RPRD2: variants seen among roughly 807,000 people sequenced by gnomAD.
RPRD2 encodes regulation of nuclear pre-mRNA domain containing 2.
RPRD2 carries 12 observed loss-of-function variants against 104.4 expected under a neutral mutation model. That is an observed-to-expected ratio of 0.11 (90% CI 0.07 to 0.19). The LOEUF (loss-of-function observed/expected upper bound fraction) is 0.19. Among genes scored for constraint, RPRD2 ranks in the 10% least tolerant of loss-of-function variants. RPRD2 has a pLI of 1.00. For synonymous variants in RPRD2, 714 were observed against 684.9 expected (o/e 1.04, Z -0.66); for missense variants, 1,543 against 1,790.1 (o/e 0.86, Z 2.49).
rs782654784 is a variant in RPRD2 at position 150,364,729 on chromosome 1, C to T, written c.15C>T (p.Gly5=). 1.3e-6 allele frequency: 2 copies of T among 1,573,258 alleles called. No individual in the cohort carries two copies. Among genetic ancestry groups the T allele is most frequent in the Admixed American group, 1.9e-5 (1 of 52,748 alleles). ...AAACCGGGAAGATGGCGGCCGGCGG[C>T]GGCGGAGGCAGCAGTAAGGCCTCCT... MAAG[G]GGGSSKASSS... is the part of the protein sequence containing the mutation. The change falls in exon 1 of 11, where the codon GGC becomes GGT. Residue 5 remains glycine (G), a synonymous_variant. Coordinates refer to ENST00000369068, the MANE Select transcript of RPRD2 (RefSeq NM_015203.5).
chr1:150,443,263 AAG>A lies in RPRD2; in HGVS notation c.549_550del (p.Lys183AsnfsTer4). 1 of 1,576,828 alleles carries A rather than the reference AAG, an allele frequency of 6.3e-7. No homozygotes were observed. The highest frequency in any genetic ancestry group is 8.6e-7 in the Non-Finnish European group (1 of 1,159,542). ...STNPKAALKS[K>X]IVAEFRSQAL... The stretch of plus-strand genomic sequence containing the variant: ...AAATCCAAAAGCTGCTCTCAAGTCT[AAG>A]ATAGTTGCTGAATTTCGAGTAAGTT... On this transcript the variant is annotated frameshift_variant, in exon 5 of 11. Transcript: ENST00000369068. LOFTEE classifies it high-confidence loss of function.
chr1:150,416,171 A>G (rs12757823), intron 1 of RPRD2, among the ~76,000 whole-genome samples: 20 of 152,158 alleles, frequency 1.3e-4, no homozygotes, highest in African/African-American at 4.8e-4. Context: ...TTGGGATTTC[A>G]TTGAGCACAT....
chr1:150,475,680 A>G lies in RPRD2; in HGVS notation c.*2346A>G, dbSNP rs1441819160. On this transcript the variant is annotated 3_prime_UTR_variant, in exon 11 of 11. Coordinates refer to ENST00000369068, the MANE Select transcript of RPRD2 (RefSeq NM_015203.5). Reference sequence around the variant, plus strand: ...CTATTAATTTTAAGGAAATCTTAAAATTTACATTTACATCAGTAAATGAAG... The same window carrying G: ...CTATTAATTTTAAGGAAATCTTAAAGTTTACATTTACATCAGTAAATGAAG... The G allele has an allele frequency of 6.6e-6, 1 of 152,628 alleles. No individual in the cohort carries two copies. The highest frequency in any genetic ancestry group is 2.4e-5 in the African/African-American group (1 of 41,446). 9.5% of individuals were successfully genotyped at this position (152,628 alleles called of 1,614,324 possible).
intron 7 of RPRD2, among the ~76,000 whole-genome samples, chr1:150,451,366 T>C (rs1667157400): frequency 6.6e-6 from 1 of 152,062 alleles, no homozygotes; most frequent in Non-Finnish European, 1.5e-5. Context: ...CCCTTGGTGA[T>C]TGTTATGGGT....
chr1:150,384,620 G>GC (rs1377588814), intron 1 of RPRD2, among the ~76,000 whole-genome samples: 1 of 149,704 alleles, frequency 6.7e-6, no homozygotes, highest in Non-Finnish European at 1.5e-5. Flanking sequence ...ACAGGCGCCT[G>GC]CCACCACGCC....
chr1:150,468,501 C>T (rs1668419809), intron 10 of RPRD2, among the ~76,000 whole-genome samples: 1 of 152,038 alleles, frequency 6.6e-6, no homozygotes, highest in Non-Finnish European at 1.5e-5. Context: ...GCTGAAATAT[C>T]TTCTAAAAAT....
intron 2 of RPRD2, among the ~76,000 whole-genome samples, chr1:150,421,493 G>A (rs946604818): frequency 6.6e-6 from 1 of 152,088 alleles, no homozygotes; most frequent in Non-Finnish European, 1.5e-5. Context: ...AGGATTTCCT[G>A]TGGAAGGATA....
At chr1:150,375,480 A>T (rs587603324) in intron 1 of RPRD2, among the ~76,000 whole-genome samples, 2 of 152,278 alleles carry the variant, frequency 1.3e-5, no homozygotes, top group Non-Finnish European at 2.9e-5. Context: ...CTTTAATGTT[A>T]GTTTTGTCTG....
At chr1:150,428,996 A>G (rs1184033067) in intron 2 of RPRD2, among the ~76,000 whole-genome samples, 4 of 151,970 alleles carry the variant, frequency 2.6e-5, no homozygotes, top group Non-Finnish European at 5.9e-5. Flanking sequence ...TTTTTTTTTT[A>G]ACTTAAAAAT....
chr1:150,379,267 A>G (rs146467430), intron 1 of RPRD2, among the ~76,000 whole-genome samples: 4,029 of 151,706 alleles, frequency 0.027, 76 homozygotes, highest in Non-Finnish European at 0.041. Flanking sequence ...TGGGCGACAG[A>G]GCGAGACTCC....
At chr1:150,390,389 C>T (rs1395335414) in intron 1 of RPRD2, among the ~76,000 whole-genome samples, 4 of 152,076 alleles carry the variant, frequency 2.6e-5, no homozygotes, top group Non-Finnish European at 4.4e-5. Context: ...CTCCCTGCTG[C>T]TCGGGAGGCA....
chr1:150,416,382 AAGG>A (rs1263430483), intron 1 of RPRD2, among the ~76,000 whole-genome samples: 1 of 152,166 alleles, frequency 6.6e-6, no homozygotes, highest in Non-Finnish European at 1.5e-5. Context: ...GTGATCAGAG[AAGG>A]AGATTTTAAA....
intron 7 of RPRD2, among the ~76,000 whole-genome samples, chr1:150,448,420 C>T (rs1666939577): frequency 6.6e-6 from 1 of 152,142 alleles, no homozygotes; most frequent in African/African-American, 2.4e-5. Context: ...CCACCCACCT[C>T]AGCCTCTCAA....
At chr1:150,414,099 C>T (rs1041582413) in intron 1 of RPRD2, among the ~76,000 whole-genome samples, 6 of 151,850 alleles carry the variant, frequency 4.0e-5, no homozygotes, top group Non-Finnish European at 8.8e-5. Context: ...TAAAATCAAG[C>T]TCAGGGTGCC....
At chr1:150,428,454 CAAA>C (rs34596290) in intron 2 of RPRD2, among the ~76,000 whole-genome samples, 20,230 of 69,854 alleles carry the variant, frequency 0.29, 1,387 homozygotes, top group African/African-American at 0.34. Flanking sequence ...GACTCTGTCT[CAAA>C]AAAAAAAAAA....
chr1:150,467,301 C>CA (rs1668342143), intron 10 of RPRD2, among the ~76,000 whole-genome samples: 1 of 152,182 alleles, frequency 6.6e-6, no homozygotes, highest in Admixed American at 6.5e-5. Flanking sequence ...ATGACTGCAG[C>CA]ACATGTTGTA....
chr1:150,381,799 C>T (rs1382274772), intron 1 of RPRD2, among the ~76,000 whole-genome samples: 3 of 152,032 alleles, frequency 2.0e-5, no homozygotes, highest in Non-Finnish European at 2.9e-5. Context: ...CCACCGCGCC[C>T]GGCCACAGGA....
intron 7 of RPRD2, among the ~76,000 whole-genome samples, chr1:150,454,356 A>AGC (rs1667378500): frequency 6.6e-6 from 1 of 152,084 alleles, no homozygotes; most frequent in South Asian, 2.1e-4. Context: ...ATGTCAGCTT[A>AGC]GCTCTCCATG....
intron 1 of RPRD2, among the ~76,000 whole-genome samples, chr1:150,395,789 G>A (rs1240151261): frequency 7.9e-5 from 12 of 152,182 alleles, no homozygotes; most frequent in Non-Finnish European, 1.3e-4. Flanking sequence ...GATTACAGGC[G>A]TGAGCCACCG....
Sources: allele counts gnomAD v4.1 joint callset (sites outside exome capture counted in the v4.1 genomes callset), GRCh38; gene constraint gnomAD v4.1.1; transcripts MANE v1.5; gene names NCBI Gene and HGNC (gene_info 2026-07-23, HGNC 2026-07-21).